The following APP variants were observed in gnomAD, a reference collection of about 807,000 sequenced individuals.
The protein encoded by APP is amyloid beta precursor protein.
APP carries 31 observed loss-of-function variants against 101.4 expected under a neutral mutation model. The observed-to-expected ratio is 0.31, with a 90% CI of 0.23 to 0.41. The LOEUF is 0.41. APP is among the 10% of genes least tolerant of loss of function. APP has a pLI of 1.00. For synonymous variants in APP, 366 were observed against 364.4 expected (o/e 1.00, Z -0.05); for missense variants, 839 against 1,003.7 (o/e 0.84, Z 2.22).
chr21:26,136,403 G>GGGAGT (rs1569019431), intron 1 of APP, among the ~76,000 whole-genome samples: 3 of 151,924 alleles, frequency 2.0e-5, no homozygotes, highest in Non-Finnish European at 4.4e-5. Context: ...GGATCCATCA[G>GGGAGT]GCTTTATCTA....
intron 14 of APP, among the ~76,000 whole-genome samples, chr21:25,909,059 C>T (rs978614526): frequency 3.9e-5 from 6 of 151,940 alleles, no homozygotes; most frequent in East Asian, 1.9e-4. Flanking sequence ...GTCAGGAGAT[C>T]GAGACCATCC....
chr21:26,011,381 T>C (rs1190012665), intron 6 of APP, among the ~76,000 whole-genome samples: 1 of 151,958 alleles, frequency 6.6e-6, no homozygotes, highest in Non-Finnish European at 1.5e-5. Flanking sequence ...TGGGCTTCTG[T>C]TCACATATCT....
intron 1 of APP, among the ~76,000 whole-genome samples, chr21:26,146,422 G>C (rs910959856): frequency 6.6e-6 from 1 of 152,198 alleles, no homozygotes; most frequent in African/African-American, 2.4e-5. Context: ...GTTTTACTTT[G>C]CATTTCCCTG....
chr21:26,047,658 T>C (rs2045665309), intron 5 of APP, among the ~76,000 whole-genome samples: 2 of 152,320 alleles, frequency 1.3e-5, no homozygotes, highest in South Asian at 4.1e-4. Flanking sequence ...ATAATAAAAA[T>C]TCAGTGGCTC....
rs185790966 is a variant in APP, at chr21:26,100,299, T to C, written c.226-10227A>G. ...CAGAAATGCATAAAATATATCCACA[T>C]ATAGACAGCCTGATCCCTCCATTCA... On this transcript the variant is annotated intron_variant, in intron 2 of 17. Coordinates refer to ENST00000346798, the MANE Select transcript of APP (RefSeq NM_000484.4). Among the ~76,000 whole-genome samples, 6 of 152,326 alleles carry C rather than the reference T, an allele frequency of 3.9e-5. No homozygotes were observed. The East Asian group carries it at 1.2e-3, about 29-fold the overall frequency.
intron 11 of APP, among the ~76,000 whole-genome samples, chr21:25,971,241 G>T (rs1467036133): frequency 2.0e-5 from 3 of 152,118 alleles, no homozygotes; most frequent in Non-Finnish European, 2.9e-5. Context: ...TAGAGACGGG[G>T]TTCACCATGT....
At chr21:26,068,110 G>A (rs1158261384) in intron 3 of APP, 1 of 152,226 alleles carries the variant, frequency 6.6e-6, no homozygotes, top group Non-Finnish European at 1.5e-5. Flanking sequence ...TATACAGCAT[G>A]CTGTTTTCAC....
At chr21:26,061,097 C>A (rs1301086284) in intron 3 of APP, among the ~76,000 whole-genome samples, 1 of 152,070 alleles carries the variant, frequency 6.6e-6, no homozygotes, top group African/African-American at 2.4e-5. Flanking sequence ...ATGACTTGGA[C>A]CAGGATGAGA....
chr21:25,899,126 C>G (rs1431069661), intron 15 of APP, among the ~76,000 whole-genome samples: 1 of 152,196 alleles, frequency 6.6e-6, no homozygotes. Flanking sequence ...ACCTGGCTTA[C>G]AGATTGTGAA....
intron 13 of APP, among the ~76,000 whole-genome samples, chr21:25,931,711 C>A (rs543080537): frequency 2.0e-5 from 3 of 152,100 alleles, no homozygotes; most frequent in African/African-American, 7.2e-5. Context: ...GAGATGCTAT[C>A]GGGGTGGAGG....
At chr21:25,963,179 C>T (rs930215057) in intron 11 of APP, among the ~76,000 whole-genome samples, 6 of 152,090 alleles carry the variant, frequency 3.9e-5, no homozygotes, top group Admixed American at 2.0e-4. Flanking sequence ...TTCTTTTATA[C>T]GATTTCTCAA....
chr21:26,150,606 C>CAGATAGAT (rs775175694), intron 1 of APP, among the ~76,000 whole-genome samples: 12,111 of 148,596 alleles, frequency 0.082, 689 homozygotes, highest in Non-Finnish European at 0.12. Context: ...TCTAGATAGA[C>CAGATAGAT]AGATAGATAG....
At chr21:26,068,200 G>A (rs936339968) in intron 3 of APP, 3 of 152,110 alleles carry the variant, frequency 2.0e-5, no homozygotes, top group Admixed American at 1.3e-4. Context: ...ACTTCTTAAC[G>A]GGGTTGTAGA....
chr21:25,956,496 C>T (rs2146496422), intron 11 of APP, among the ~76,000 whole-genome samples: 1 of 152,286 alleles, frequency 6.6e-6, no homozygotes, highest in African/African-American at 2.4e-5. Context: ...TGGTCTTCAA[C>T]AATTTCATCA....
intron 3 of APP, among the ~76,000 whole-genome samples, chr21:26,054,295 G>A (rs11911318): frequency 5.9e-5 from 9 of 152,112 alleles, no homozygotes; most frequent in Non-Finnish European, 8.8e-5. Flanking sequence ...CTTCCATAAC[G>A]TAAGGATAGA....
rs546685558 is a variant in APP at position 25,894,494 on chromosome 21, C to T, written c.2065-2626G>A. On this transcript the variant is annotated intron_variant, in intron 16 of 17. Transcript: ENST00000346798. ...TCAGCAATAACGGGAGTTTGGAAGA[C>T]AATGATTCCAACTCTCATGGGTGAC... is the stretch of plus-strand genomic sequence containing the variant. 1.1e-4 allele frequency among the ~76,000 whole-genome samples: 17 copies of T among 152,174 alleles called. 1 individual carries two copies. The South Asian group carries it at 2.9e-3, about 26-fold the overall frequency.
intron 6 of APP, among the ~76,000 whole-genome samples, chr21:26,018,513 G>A (rs2044199941): frequency 6.6e-6 from 1 of 152,218 alleles, no homozygotes; most frequent in Non-Finnish European, 1.5e-5. Flanking sequence ...CTTTGCAGCT[G>A]ACCCCTTTAA....
At chr21:26,125,192 T>C (rs990091984) in intron 1 of APP, among the ~76,000 whole-genome samples, 7 of 152,178 alleles carry the variant, frequency 4.6e-5, no homozygotes, top group African/African-American at 1.7e-4. Context: ...GTGAAGTCAC[T>C]GGGAGCTGCT....
chr21:25,938,424 A>AC (rs1216098077), intron 13 of APP, among the ~76,000 whole-genome samples: 1 of 149,142 alleles, frequency 6.7e-6, no homozygotes, highest in Non-Finnish European at 1.5e-5. Context: ...TCTCTGCTTC[A>AC]TTTTTTTTTT....
Sources: gnomAD v4.1 joint callset for allele counts (sites outside exome capture counted in the v4.1 genomes callset) on GRCh38, gnomAD v4.1.1 for gene constraint, MANE v1.5 for transcripts, NCBI Gene and HGNC (gene_info 2026-07-23, HGNC 2026-07-21) for gene names.